ATP6V0D2: variants seen among roughly 807,000 people sequenced by gnomAD.
The protein encoded by ATP6V0D2 is V-type proton ATPase subunit d 2.
A neutral mutation model predicts 40.0 loss-of-function variants in ATP6V0D2; 40 were observed. That is an observed-to-expected ratio of 1.00 (90% confidence interval 0.78 to 1.30). ATP6V0D2 has a LOEUF of 1.30. Among genes scored for constraint, ATP6V0D2 ranks in the 50% most tolerant of loss-of-function variants. The pLI is 0.00. For synonymous variants in ATP6V0D2, 179 were observed against 156.3 expected (o/e 1.15, Z -1.08); for missense variants, 470 against 423.1 (o/e 1.11, Z -0.97).
At chr8:86,101,506 A>T (rs905674148) in intron 1 of ATP6V0D2, among the ~76,000 whole-genome samples, 7 of 151,726 alleles carry the variant, frequency 4.6e-5, no homozygotes, top group Non-Finnish European at 7.4e-5. Flanking sequence ...AAGTAAAAAG[A>T]TAAAAATCAG....
At chr8:86,118,081 CTTTCTT>C (rs1164461900) in intron 2 of ATP6V0D2, among the ~76,000 whole-genome samples, 1 of 52,152 alleles carries the variant, frequency 1.9e-5, no homozygotes, top group African/African-American at 6.7e-5. Context: ...TTCTTTCTTT[CTTTCTT>C]TTTTTTTTTT....
At chr8:86,103,396 G>T (rs996256934) in intron 1 of ATP6V0D2, among the ~76,000 whole-genome samples, 1 of 151,578 alleles carries the variant, frequency 6.6e-6, no homozygotes, top group African/African-American at 2.4e-5. Context: ...CTCCTAAAGT[G>T]CTGGGATTAC....
intron 2 of ATP6V0D2, among the ~76,000 whole-genome samples, chr8:86,120,950 A>T (rs2130248201): frequency 1.3e-5 from 2 of 152,210 alleles, no homozygotes; most frequent in East Asian, 1.9e-4. Flanking sequence ...GTAGATTCTG[A>T]TCTAGTTGGC....
At chr8:86,116,869 T>C (rs966415720) in intron 2 of ATP6V0D2, among the ~76,000 whole-genome samples, 13 of 152,212 alleles carry the variant, frequency 8.5e-5, no homozygotes, top group African/African-American at 2.9e-4. Flanking sequence ...TGTGTCCTTT[T>C]ACCATTACCA....
chr8:86,104,810 A>G (rs1818448347), intron 1 of ATP6V0D2, among the ~76,000 whole-genome samples: 2 of 150,806 alleles, frequency 1.3e-5, no homozygotes, highest in Non-Finnish European at 3.0e-5. Flanking sequence ...TCTGCCTTAT[A>G]TTAAAAAGAC....
chr8:86,120,523 C>G (rs1818655118), intron 2 of ATP6V0D2, among the ~76,000 whole-genome samples: 1 of 152,056 alleles, frequency 6.6e-6, no homozygotes, highest in Non-Finnish European at 1.5e-5. Context: ...GTTTGATTCA[C>G]CAGCCTGGGC....
At chr8:86,145,364 AGG>A (rs1563566357) in intron 5 of ATP6V0D2, among the ~76,000 whole-genome samples, 69 of 102,970 alleles carry the variant, frequency 6.7e-4, no homozygotes, top group African/African-American at 2.8e-3. Flanking sequence ...GAAGGAAGGA[AGG>A]AAGGAAGGAA....
chr8:86,113,656 C>A, intron 1 of ATP6V0D2, 53 bp from the exon 2 acceptor site: 1 of 1,464,098 alleles, frequency 6.8e-7, no homozygotes. Flanking sequence ...GTTGAAAAAG[C>A]TATTTGTGTA....
chr8:86,134,016 C>T (rs1174479111), intron 2 of ATP6V0D2, among the ~76,000 whole-genome samples: 1 of 152,060 alleles, frequency 6.6e-6, no homozygotes, highest in Non-Finnish European at 1.5e-5. Context: ...CAGGCCAAGA[C>T]ATGTCATAAT....
At chr8:86,130,903 T>C (rs1357141719) in intron 2 of ATP6V0D2, among the ~76,000 whole-genome samples, 1 of 152,100 alleles carries the variant, frequency 6.6e-6, no homozygotes, top group Non-Finnish European at 1.5e-5. Flanking sequence ...GGTCTGGGTT[T>C]ATCTCCGTCT....
intron 1 of ATP6V0D2, among the ~76,000 whole-genome samples, chr8:86,112,705 A>C (rs1217188445): frequency 6.6e-6 from 1 of 152,128 alleles, no homozygotes; most frequent in Non-Finnish European, 1.5e-5. Flanking sequence ...CATTTACTGA[A>C]GTATGGATGC....
chr8:86,099,193 C>A, intron 1 of ATP6V0D2, 85 bp downstream of exon 1: 1 of 1,403,184 alleles, frequency 7.1e-7, no homozygotes, highest in Non-Finnish European at 9.4e-7. Flanking sequence ...GAAAAAAAGC[C>A]CATAATCATA....
intron 1 of ATP6V0D2, among the ~76,000 whole-genome samples, chr8:86,105,061 C>G (rs1278873575): frequency 1.3e-5 from 2 of 152,174 alleles, no homozygotes; most frequent in Non-Finnish European, 2.9e-5. Flanking sequence ...ATTTAAGTCA[C>G]TTCCTCTGTA....
intron 2 of ATP6V0D2, among the ~76,000 whole-genome samples, chr8:86,119,514 C>A (rs890599711): frequency 6.6e-6 from 1 of 152,134 alleles, no homozygotes; most frequent in African/African-American, 2.4e-5. Context: ...CAGGCAGGAG[C>A]CACTGCCCCT....
chr8:86,108,310 T>A (rs1313057135), intron 1 of ATP6V0D2, among the ~76,000 whole-genome samples: 1 of 151,798 alleles, frequency 6.6e-6, no homozygotes, highest in Non-Finnish European at 1.5e-5. Flanking sequence ...CCAGCTAACT[T>A]TTTTTTTCTT....
At chr8:86,107,018 A>C (rs1348398638) in intron 1 of ATP6V0D2, among the ~76,000 whole-genome samples, 1 of 116,250 alleles carries the variant, frequency 8.6e-6, no homozygotes, top group Non-Finnish European at 1.8e-5. Flanking sequence ...CCTGGGTGAC[A>C]CAGCAAGAAT....
intron 2 of ATP6V0D2, among the ~76,000 whole-genome samples, chr8:86,114,171 G>A (rs1165016495): frequency 6.6e-6 from 1 of 152,000 alleles, no homozygotes; most frequent in Non-Finnish European, 1.5e-5. Flanking sequence ...TGTTTAAGGT[G>A]TTAGTACTGA....
chr8:86,130,842 G>T (rs1384502457), intron 2 of ATP6V0D2, among the ~76,000 whole-genome samples: 1 of 151,982 alleles, frequency 6.6e-6, no homozygotes, highest in Non-Finnish European at 1.5e-5. Context: ...CATGTCTGCT[G>T]GCCATAACGA....
rs267602023 is a variant in ATP6V0D2, at chr8:86,150,199, A to G, written c.727A>G (p.Thr243Ala). The G allele has an allele frequency of 1.9e-6, 3 of 1,613,328 alleles. No individual in the cohort carries two copies. The highest frequency in any genetic ancestry group is 2.2e-5 in the South Asian group (2 of 91,030). Reference sequence around the variant, plus strand: ...AGAAGACCGAGAGACCCTCTATCCAACCTTCGGCAAACTCTATCCTGAGGG... The same window carrying G: ...AGAAGACCGAGAGACCCTCTATCCAGCCTTCGGCAAACTCTATCCTGAGGG... ...SKEDRETLYP[T>A]FGKLYPEGLR... is the part of the protein sequence containing the mutation. The change falls in exon 6 of 8, where the codon ACC becomes GCC. Residue 243 changes from threonine (T) to alanine (A), a missense_variant. Transcript: ENST00000285393.
Sources: allele counts gnomAD v4.1 joint callset (sites outside exome capture counted in the v4.1 genomes callset), GRCh38; gene constraint gnomAD v4.1.1; transcripts MANE v1.5; gene names NCBI Gene and HGNC (gene_info 2026-07-23, HGNC 2026-07-21).